ACSM1: variants seen among roughly 807,000 people sequenced by gnomAD.
ACSM1 encodes acyl-coenzyme A synthetase ACSM1, mitochondrial.
ACSM1 carries 79 observed loss-of-function variants against 75.8 expected under a neutral mutation model. That is an observed-to-expected ratio of 1.04 (90% CI 0.87 to 1.26). The LOEUF (loss-of-function observed/expected upper bound fraction) is 1.26, where lower values mean the gene tolerates loss of function less well. Among genes scored for constraint, ACSM1 ranks in the 50% most tolerant of loss-of-function variants. ACSM1 has a pLI of 0.00. For synonymous variants in ACSM1, 279 were observed against 265.8 expected (o/e 1.05, Z -0.48); for missense variants, 676 against 720.1 (o/e 0.94, Z 0.70).
At chr16:20,657,915 T>C (rs2019072073) in intron 7 of ACSM1, among the ~76,000 whole-genome samples, 1 of 152,164 alleles carries the variant, frequency 6.6e-6, no homozygotes, top group South Asian at 2.1e-4. Flanking sequence ...GCCTCATCTA[T>C]GTCCCTGCAA....
intron 4 of ACSM1, chr16:20,674,239 T>C (rs909335996): frequency 2.0e-5 from 6 of 302,440 alleles, no homozygotes; most frequent in African/African-American, 1.3e-4. Flanking sequence ...TGTCTGTGGC[T>C]AGTGAGCCTT....
chr16:20,623,247 G>C lies in ACSM1; in HGVS notation c.*239C>G. 2.1e-6 allele frequency: 1 copy of C among 479,102 alleles called. No individual in the cohort carries two copies. Among genetic ancestry groups the C allele is most frequent in the Non-Finnish European group, 3.8e-6 (1 of 262,938 alleles). The allele number at this position is 479,102 out of a possible 1,614,324, so 29.7% of individuals were successfully genotyped here. On this transcript the variant is annotated 3_prime_UTR_variant, in exon 14 of 14. Coordinates refer to ENST00000520010, the MANE Select transcript of ACSM1 (RefSeq NM_001318890.3). ...TCAACACAGGGTATTGTTGATATCA[G>C]TATTTTATTACTTGCGTTATGAGTG...
At chr16:20,624,249 C>T (rs765362765) in intron 12 of ACSM1, 34 bp from the exon 13 acceptor site, 5 of 1,571,574 alleles carry the variant, frequency 3.2e-6, no homozygotes, top group Non-Finnish European at 4.3e-6. Flanking sequence ...ACAGTGAGTG[C>T]CAACCTACTC....
chr16:20,664,601 A>T (rs1194849255), intron 6 of ACSM1, among the ~76,000 whole-genome samples: 1 of 152,198 alleles, frequency 6.6e-6, no homozygotes, highest in Non-Finnish European at 1.5e-5. Context: ...TGATTGAGAC[A>T]GAAAACTAAC....
chr16:20,659,512 T>C (rs2019181224), intron 7 of ACSM1, among the ~76,000 whole-genome samples: 1 of 152,182 alleles, frequency 6.6e-6, no homozygotes, highest in African/African-American at 2.4e-5. Flanking sequence ...TTTAACCCTG[T>C]ATATTGTGAC....
intron 7 of ACSM1, among the ~76,000 whole-genome samples, chr16:20,654,844 T>A (rs1038432954): frequency 1.1e-4 from 17 of 152,170 alleles, no homozygotes; most frequent in Admixed American, 7.2e-4. Context: ...GTGTGGCAAT[T>A]CCTCAAGGAT....
At chr16:20,664,863 T>C (rs762069065) in intron 6 of ACSM1, among the ~76,000 whole-genome samples, 33 of 152,060 alleles carry the variant, frequency 2.2e-4, no homozygotes, top group Non-Finnish European at 4.6e-4. Context: ...CTGAAAACCA[T>C]ATAAAAACAT....
intron 10 of ACSM1, among the ~76,000 whole-genome samples, chr16:20,635,856 G>A (rs2017675725): frequency 6.6e-6 from 1 of 152,042 alleles, no homozygotes; most frequent in Admixed American, 6.6e-5. Context: ...AACCAGGCTG[G>A]TTTCGAACTC....
chr16:20,636,255 T>C lies in ACSM1; in HGVS notation c.1299+484A>G, dbSNP rs1356694751. 3.3e-5 allele frequency among the ~76,000 whole-genome samples: 5 copies of C among 152,218 alleles called. No individual in the cohort carries two copies. In the East Asian group the frequency reaches 9.6e-4, roughly 29 times the overall value. ...TCAGGAGTTTCAGCAGGTTTCCTTG[T>C]AATCCATCTCAGTTTTCTATAATCT... On this transcript the variant is annotated intron_variant, in intron 10 of 13. Coordinates refer to ENST00000520010, the MANE Select transcript of ACSM1 (RefSeq NM_001318890.3).
intron 7 of ACSM1, among the ~76,000 whole-genome samples, chr16:20,645,174 T>A (rs974530718): frequency 2.0e-5 from 3 of 152,128 alleles, no homozygotes; most frequent in Non-Finnish European, 4.4e-5. Context: ...TTCTTTGTGG[T>A]CAAGAAAGGT....
At chr16:20,667,013 T>TA (rs776728247) in intron 6 of ACSM1, among the ~76,000 whole-genome samples, 5 of 152,178 alleles carry the variant, frequency 3.3e-5, no homozygotes, top group Non-Finnish European at 7.4e-5. Flanking sequence ...ATCTAGGAAA[T>TA]ACTCTTCTGG....
rs563544528 is a variant in ACSM1, at chr16:20,643,812, T to C, written c.993-3228A>G. Among the ~76,000 whole-genome samples, 127 of 152,312 alleles carry C rather than the reference T, an allele frequency of 8.3e-4. No homozygotes were observed. The Middle Eastern group carries it at 0.024, about 29-fold the overall frequency. ...TGCTGATTGGTGCATTTTTACAGAG[T>C]GCTGACTGGTGCATTTACAATCCTT... On this transcript the variant is annotated intron_variant, in intron 7 of 13. Transcript: ENST00000520010.
At chr16:20,695,541 TCA>T (rs776553398) in intron 1 of ACSM1, among the ~76,000 whole-genome samples, 1 of 146,372 alleles carries the variant, frequency 6.8e-6, no homozygotes, top group Non-Finnish European at 1.5e-5. Context: ...TCCAGCTTTT[TCA>T]CTGATTATCT....
chr16:20,696,724 C>T (rs969722249), intron 1 of ACSM1, among the ~76,000 whole-genome samples: 3 of 152,178 alleles, frequency 2.0e-5, no homozygotes, highest in African/African-American at 7.2e-5. Context: ...GCTGGGCTCC[C>T]CACTGTATTC....
intron 5 of ACSM1, 26 bp from the exon 6 acceptor site, chr16:20,670,012 G>A: frequency 2.5e-6 from 4 of 1,612,312 alleles, no homozygotes; most frequent in Non-Finnish European, 3.4e-6. Flanking sequence ...AGTGGCCTCA[G>A]CTGTGTGATC....
chr16:20,627,745 C>T (rs2017038752), intron 10 of ACSM1, among the ~76,000 whole-genome samples: 1 of 151,402 alleles, frequency 6.6e-6, no homozygotes, highest in African/African-American at 2.4e-5. Flanking sequence ...AGGAGAATCG[C>T]TTGAACCTGG....
At chr16:20,639,310 T>C (rs2017915554) in intron 8 of ACSM1, among the ~76,000 whole-genome samples, 1 of 152,228 alleles carries the variant, frequency 6.6e-6, no homozygotes, top group South Asian at 2.1e-4. Flanking sequence ...GTGTTTGGCA[T>C]ATACAGAAAG....
intron 6 of ACSM1, among the ~76,000 whole-genome samples, chr16:20,668,488 A>T (rs1391278339): frequency 6.6e-6 from 1 of 152,092 alleles, no homozygotes; most frequent in East Asian, 1.9e-4. Context: ...ATTGATATAG[A>T]GGTAGGTAAT....
intron 2 of ACSM1, among the ~76,000 whole-genome samples, chr16:20,686,407 A>G (rs2079554482): frequency 6.6e-6 from 1 of 152,136 alleles, no homozygotes. Context: ...CCCAGTCATG[A>G]AAAAGCCATA....
Sources: gnomAD v4.1 joint callset for allele counts (sites outside exome capture counted in the v4.1 genomes callset) on GRCh38, gnomAD v4.1.1 for gene constraint, MANE v1.5 for transcripts, NCBI Gene and HGNC (gene_info 2026-07-23, HGNC 2026-07-21) for gene names.